The following SRBD1 variants were observed in gnomAD, a reference collection of about 807,000 sequenced individuals.
SRBD1 encodes S1 RNA-binding domain-containing protein 1.
Under a neutral mutation model 115.3 loss-of-function variants are expected in SRBD1, and 88 were observed. The observed-to-expected ratio is 0.76, with a 90% CI of 0.64 to 0.91. The LOEUF is 0.91. Ranked by LOEUF, SRBD1 falls within the 40% of genes least tolerant of loss-of-function variation. SRBD1 has a pLI of 0.00. For synonymous variants in SRBD1, 509 were observed against 407.7 expected, an observed-to-expected ratio of 1.25 and a Z score of -2.99; for missense variants, 1,385 against 1,177.4, an observed-to-expected ratio of 1.18 and a Z score of -2.58.
chr2:45,569,901 G>A (rs535869741), intron 9 of SRBD1, among the ~76,000 whole-genome samples: 2 of 152,288 alleles, frequency 1.3e-5, no homozygotes, highest in African/African-American at 4.8e-5. Context: ...CAAGTGTTAA[G>A]GCCATAGAAA....
At position 45,433,507 on chromosome 2, in the gene SRBD1, C is replaced by T. The variant is rs142578752; in HGVS notation, c.2050-13613G>A. On this transcript the variant is annotated intron_variant, in intron 16 of 20. Transcript: ENST00000263736. ...GAAGCAAGTTTACTTCTTCATTTTG[C>T]ATCTCCTTTCCTTTGATTGACATGT... Among the ~76,000 whole-genome samples the T allele has an allele frequency of 5.5e-3, 835 of 152,252 alleles. 7 individuals carry two copies. Among genetic ancestry groups the T allele is most frequent in the African/African-American group, 0.019 (785 of 41,530 alleles).
chr2:45,575,967 G>A (rs963729118), intron 7 of SRBD1, among the ~76,000 whole-genome samples: 1 of 152,152 alleles, frequency 6.6e-6, no homozygotes, highest in Non-Finnish European at 1.5e-5. Flanking sequence ...GCCTCCCAAA[G>A]TGTTGGGATT....
chr2:45,573,133 A>T lies in SRBD1; in HGVS notation c.1305+74T>A, dbSNP rs1450704525. ...TTGACATAAAATTATTTAAATTCTT[A>T]GTAAAGTAGCAGGCAAATCCAAAAT... On this transcript the variant is annotated intron_variant, in intron 9 of 20. Coordinates refer to ENST00000263736, the MANE Select transcript of SRBD1 (RefSeq NM_018079.5). 13 of 1,417,584 alleles carry T rather than the reference A, an allele frequency of 9.2e-6. No individual in the cohort carries two copies. In the East Asian group the frequency reaches 3.0e-4, roughly 33 times the overall value. The allele number at this position is 1,417,584 out of a possible 1,614,324, so 87.8% of individuals were successfully genotyped here. A position where few individuals can be genotyped will look rare whatever the true frequency, so the allele number is the denominator to read the frequency against.
chr2:45,529,653 A>G (rs969736778), intron 14 of SRBD1, among the ~76,000 whole-genome samples: 3 of 151,940 alleles, frequency 2.0e-5, no homozygotes, highest in African/African-American at 7.2e-5. Context: ...ATTTACAACC[A>G]GATACAGAGT....
intron 4 of SRBD1, among the ~76,000 whole-genome samples, chr2:45,588,465 T>C (rs774333055): frequency 8.5e-5 from 13 of 152,224 alleles, no homozygotes; most frequent in Non-Finnish European, 1.5e-4. Flanking sequence ...ATTTTCTCTC[T>C]CAAACCTGTA....
intron 14 of SRBD1, among the ~76,000 whole-genome samples, chr2:45,504,725 G>C (rs1379081345): frequency 3.3e-5 from 5 of 152,022 alleles, no homozygotes; most frequent in African/African-American, 1.2e-4. Context: ...TCTAGACTTA[G>C]GACATTTAGA....
At chr2:45,425,084 A>C (rs1305315966) in intron 16 of SRBD1, among the ~76,000 whole-genome samples, 1 of 152,150 alleles carries the variant, frequency 6.6e-6, no homozygotes, top group Non-Finnish European at 1.5e-5. Context: ...CCTGTAATAA[A>C]ATCTCTTTAT....
At chr2:45,577,801 G>C (rs1420693041) in intron 7 of SRBD1, among the ~76,000 whole-genome samples, 1 of 151,910 alleles carries the variant, frequency 6.6e-6, no homozygotes, top group Non-Finnish European at 1.5e-5. Context: ...CAAAGAGAAA[G>C]AGAAAACATT....
At chr2:45,404,118 T>C (rs779404797) in intron 19 of SRBD1, among the ~76,000 whole-genome samples, 1 of 152,108 alleles carries the variant, frequency 6.6e-6, no homozygotes, top group Non-Finnish European at 1.5e-5. Context: ...AGGAGAAAGA[T>C]CTCATTTCCA....
At chr2:45,489,866 T>C (rs1019256255) in intron 14 of SRBD1, among the ~76,000 whole-genome samples, 4 of 152,168 alleles carry the variant, frequency 2.6e-5, no homozygotes, top group Non-Finnish European at 5.9e-5. Flanking sequence ...CTCATATTTT[T>C]GTGCCAAACA....
intron 14 of SRBD1, among the ~76,000 whole-genome samples, chr2:45,495,399 G>A (rs1467617941): frequency 6.6e-6 from 1 of 152,206 alleles, no homozygotes; most frequent in Non-Finnish European, 1.5e-5. Flanking sequence ...TACCTCTACT[G>A]AGGTAGAAGA....
At chr2:45,414,817 T>TATAGTATGTACACACAC (rs1667751007) in intron 18 of SRBD1, among the ~76,000 whole-genome samples, 2 of 133,160 alleles carry the variant, frequency 1.5e-5, no homozygotes, top group African/African-American at 3.3e-5. Context: ...CACACACATA[T>TATAGTATGTACACACAC]AGTGTGTATA....
At chr2:45,503,477 A>G (rs1410232502) in intron 14 of SRBD1, among the ~76,000 whole-genome samples, 2 of 152,206 alleles carry the variant, frequency 1.3e-5, no homozygotes, top group Admixed American at 1.3e-4. Flanking sequence ...AAGATTATAG[A>G]GAACAAGCAT....
Position 45,482,425 on chromosome 2 carries a change from A to G in SRBD1, c.1967-5350T>C, listed in dbSNP as rs77081065. On this transcript the variant is annotated intron_variant, in intron 15 of 20. Transcript: ENST00000263736. ...ACAAACAAAAATTGATGCTTCTACC[A>G]TATGCTATCGAACCAATAACACAGG... Among the ~76,000 whole-genome samples, 1,162 of 152,244 alleles carry G rather than the reference A, an allele frequency of 7.6e-3. 16 individuals are homozygous for G. Among genetic ancestry groups the G allele is most frequent in the African/African-American group, 0.027 (1,108 of 41,556 alleles).
chr2:45,462,294 C>A (rs1314827641), intron 16 of SRBD1, among the ~76,000 whole-genome samples: 3 of 152,036 alleles, frequency 2.0e-5, no homozygotes, highest in Non-Finnish European at 4.4e-5. Context: ...TAAAGCAAGC[C>A]CAGAGGTTAT....
intron 4 of SRBD1, among the ~76,000 whole-genome samples, chr2:45,590,022 G>A (rs938693812): frequency 3.3e-5 from 5 of 152,216 alleles, no homozygotes; most frequent in African/African-American, 1.2e-4. Context: ...GAGAATGAAG[G>A]TATTTCCAGG....
rs1290475542 is a variant in SRBD1, at chr2:45,418,274, T to G, written c.2333+91A>C. On this transcript the variant is annotated intron_variant, in intron 18 of 20. Transcript: ENST00000263736. ...GAATGAAGGCATGAACAATGGACACTTAGAAAATTTTACACTAATCAGTGG... is the reference window on the plus strand; with the variant it reads ...GAATGAAGGCATGAACAATGGACACGTAGAAAATTTTACACTAATCAGTGG... The G allele has an allele frequency of 5.5e-6, 8 of 1,458,414 alleles. No individual in the cohort carries two copies. The East Asian group carries it at 1.8e-4, about 33-fold the overall frequency. 90.3% of individuals were successfully genotyped at this position (1,458,414 alleles called of 1,614,324 possible).
At chr2:45,407,011 G>T (rs949469775) in intron 19 of SRBD1, among the ~76,000 whole-genome samples, 4 of 152,116 alleles carry the variant, frequency 2.6e-5, no homozygotes, top group African/African-American at 4.8e-5. Context: ...CTGGCTGCAA[G>T]CTAGCTTTTT....
chr2:45,405,722 A>G (rs1365728231), intron 19 of SRBD1, among the ~76,000 whole-genome samples: 1 of 152,192 alleles, frequency 6.6e-6, no homozygotes, highest in Non-Finnish European at 1.5e-5. Flanking sequence ...GAAGGTTGGT[A>G]AGTTGATAGT....
Sources: allele counts gnomAD v4.1 joint callset (sites outside exome capture counted in the v4.1 genomes callset), GRCh38; gene constraint gnomAD v4.1.1; transcripts MANE v1.5; gene names NCBI Gene and HGNC (gene_info 2026-07-23, HGNC 2026-07-21).